The following GRID2 variants were observed in gnomAD, a reference collection of about 807,000 sequenced individuals.
The protein encoded by GRID2 is glutamate ionotropic receptor delta type subunit 2.
GRID2 carries 33 observed loss-of-function variants against 114.8 expected under a neutral mutation model. The ratio of observed to expected loss-of-function variants is 0.29; its 90% CI spans 0.22 to 0.38. The LOEUF is 0.38. Among genes scored for constraint, GRID2 ranks in the 10% least tolerant of loss-of-function variants. The pLI is 1.00. For missense variants in GRID2, 1,184 were observed against 1,257.7 expected (o/e 0.94, Z 0.89); for synonymous variants, 505 against 449.9 (o/e 1.12, Z -1.55).
intron 4 of GRID2, among the ~76,000 whole-genome samples, chr4:93,144,984 C>T (rs1277449825): frequency 6.6e-6 from 1 of 152,078 alleles, no homozygotes; most frequent in African/African-American, 2.4e-5. Flanking sequence ...TTACCTTTAC[C>T]GACCTGATTT....
At chr4:93,549,695 T>G (rs1332464847) in intron 13 of GRID2, among the ~76,000 whole-genome samples, 3 of 152,192 alleles carry the variant, frequency 2.0e-5, no homozygotes, top group Non-Finnish European at 4.4e-5. Flanking sequence ...TTTATCACAC[T>G]GGATTGTTGA....
intron 4 of GRID2, 75 bp downstream of exon 4, chr4:93,111,028 T>G: frequency 1.1e-6 from 1 of 937,368 alleles, no homozygotes; most frequent in Non-Finnish European, 1.7e-6. Flanking sequence ...ACAGAGGAGA[T>G]GAAAATTAAG....
At chr4:93,076,458 C>A (rs750612295) in intron 2 of GRID2, among the ~76,000 whole-genome samples, 1 of 151,744 alleles carries the variant, frequency 6.6e-6, no homozygotes, top group African/African-American at 2.4e-5. Flanking sequence ...CAGAAAAATG[C>A]GACAATGGTA....
intron 2 of GRID2, among the ~76,000 whole-genome samples, chr4:93,042,521 A>T (rs1290339296): frequency 6.8e-6 from 1 of 147,632 alleles, no homozygotes; most frequent in Admixed American, 6.8e-5. Context: ...TGTAATGGAG[A>T]CCAGTTATAT....
In GRID2 at chr4:92,481,021, G is replaced by A. The variant is rs369474273; in HGVS notation, c.89-109110G>A. ...TTCTATGCTCTACATGCTGACAAGGGTAGTAAGTATGATCTCAATACAGTG... is the reference window on the plus strand; with the variant it reads ...TTCTATGCTCTACATGCTGACAAGGATAGTAAGTATGATCTCAATACAGTG... On this transcript the variant is annotated intron_variant, in intron 1 of 15. Transcript: ENST00000282020. Among the ~76,000 whole-genome samples the A allele has an allele frequency of 1.4e-4, 22 of 152,218 alleles. No individual in the cohort carries two copies. In the South Asian group the frequency reaches 4.4e-3, roughly 30 times the overall value.
At chr4:92,519,207 A>G (rs1724653792) in intron 1 of GRID2, among the ~76,000 whole-genome samples, 1 of 151,862 alleles carries the variant, frequency 6.6e-6, no homozygotes, top group African/African-American at 2.4e-5. Flanking sequence ...TGAATTTTTA[A>G]AAAATTATCA....
intron 2 of GRID2, among the ~76,000 whole-genome samples, chr4:92,954,573 C>T (rs979953400): frequency 1.3e-5 from 2 of 151,746 alleles, no homozygotes; most frequent in Non-Finnish European, 2.9e-5. Context: ...ACTACAGGTG[C>T]CAGCCACCAT....
At chr4:92,401,021 T>C (rs1159673862) in intron 1 of GRID2, among the ~76,000 whole-genome samples, 2 of 152,164 alleles carry the variant, frequency 1.3e-5, no homozygotes, top group Non-Finnish European at 2.9e-5. Context: ...GCAAAAACTT[T>C]CTCCCATTCT....
Position 93,087,344 on chromosome 4 carries a change from A to G in GRID2, c.529+2065A>G, listed in dbSNP as rs562694813. ...CAGAAAAGGAACTTTTGATTAAGGC[A>G]TTTTCTCAACATTAAAACAAGAATA... On this transcript the variant is annotated intron_variant, in intron 3 of 15. Coordinates refer to ENST00000282020, the MANE Select transcript of GRID2 (RefSeq NM_001510.4). Among the ~76,000 whole-genome samples, 11 of 152,222 alleles carry G rather than the reference A, an allele frequency of 7.2e-5. No individual in the cohort carries two copies. In the South Asian group the frequency reaches 2.1e-3, roughly 29 times the overall value.
In GRID2 at chr4:93,767,621, C is replaced by T. The variant is rs199613093; in HGVS notation, c.2361-1589C>T. Among the ~76,000 whole-genome samples, 13 of 152,264 alleles carry T rather than the reference C, an allele frequency of 8.5e-5. No individual in the cohort carries two copies. In the East Asian group the frequency reaches 2.5e-3, roughly 29 times the overall value. On this transcript the variant is annotated intron_variant, in intron 14 of 15. Transcript: ENST00000282020. The stretch of plus-strand genomic sequence containing the variant: ...ATGACAGGGACCTGAGACCAACCCT[C>T]TACCAGAGCCTTAAGGGCTGGTCTC...
chr4:93,211,888 C>G (rs929339325), intron 5 of GRID2, among the ~76,000 whole-genome samples: 8 of 152,134 alleles, frequency 5.3e-5, no homozygotes, highest in Non-Finnish European at 8.8e-5. Context: ...AATCAACACT[C>G]TTACTTTCAA....
intron 14 of GRID2, among the ~76,000 whole-genome samples, chr4:93,712,598 G>A (rs958513733): frequency 3.9e-5 from 6 of 152,012 alleles, no homozygotes; most frequent in African/African-American, 1.4e-4. Context: ...ATTTCATGAG[G>A]ACATAAACCA....
chr4:92,439,679 A>C (rs1188922457), intron 1 of GRID2, among the ~76,000 whole-genome samples: 4 of 145,470 alleles, frequency 2.7e-5, no homozygotes, highest in African/African-American at 9.9e-5. Context: ...TGCGAATTGA[A>C]AAACTAAATG....
At chr4:92,920,644 ATTCTT>A (rs1749240086) in intron 2 of GRID2, among the ~76,000 whole-genome samples, 1 of 152,262 alleles carries the variant, frequency 6.6e-6, no homozygotes, top group South Asian at 2.1e-4. Flanking sequence ...TGGGTTGAAA[ATTCTT>A]TTCTTTAAGA....
chr4:92,572,561 A>T (rs570977751), intron 1 of GRID2, among the ~76,000 whole-genome samples: 14 of 152,286 alleles, frequency 9.2e-5, no homozygotes, highest in Admixed American at 3.3e-4. Flanking sequence ...CTGATACCAA[A>T]GCCTGGCAGA....
At chr4:92,891,606 C>A (rs1216095569) in intron 2 of GRID2, among the ~76,000 whole-genome samples, 1 of 151,914 alleles carries the variant, frequency 6.6e-6, no homozygotes, top group African/African-American at 2.4e-5. Flanking sequence ...GTGAAAACAG[C>A]CTATTTTCTA....
At chr4:93,632,775 C>T (rs572291426) in intron 14 of GRID2, among the ~76,000 whole-genome samples, 1 of 152,100 alleles carries the variant, frequency 6.6e-6, no homozygotes, top group Non-Finnish European at 1.5e-5. Flanking sequence ...TAGCTTGATG[C>T]GGATGGCATT....
At chr4:92,645,573 A>C (rs62309176) in intron 2 of GRID2, among the ~76,000 whole-genome samples, 7,160 of 151,776 alleles carry the variant, frequency 0.047, 230 homozygotes, top group East Asian at 0.094. Flanking sequence ...TATGTACCTG[A>C]GTAAGTAATA....
At chr4:92,769,928 A>C (rs981729732) in intron 2 of GRID2, among the ~76,000 whole-genome samples, 1 of 152,210 alleles carries the variant, frequency 6.6e-6, no homozygotes, top group Admixed American at 6.5e-5. Context: ...TTGGAGATTA[A>C]CATTTGGCTT....
Sources: gnomAD v4.1 joint callset for allele counts (sites outside exome capture counted in the v4.1 genomes callset) on GRCh38, gnomAD v4.1.1 for gene constraint, MANE v1.5 for transcripts, NCBI Gene and HGNC (gene_info 2026-07-23, HGNC 2026-07-21) for gene names.